The following FLRT2 variants were observed in gnomAD, a reference collection of about 807,000 sequenced individuals.
FLRT2 encodes fibronectin leucine rich transmembrane protein 2.
Under a neutral mutation model 40.0 loss-of-function variants are expected in FLRT2, and 15 were observed. The ratio of observed to expected loss-of-function variants is 0.38; its 90% CI spans 0.25 to 0.58. FLRT2 has a LOEUF of 0.58. Ranked by LOEUF, FLRT2 falls within the 20% of genes least tolerant of loss-of-function variation. The pLI is 0.71. For synonymous variants in FLRT2, 380 were observed against 336.8 expected (o/e 1.13, Z -1.41); for missense variants, 726 against 840.0 (o/e 0.86, Z 1.68).
In FLRT2 at chr14:85,630,346, C is replaced by T. The variant is rs1334777774; in HGVS notation, c.*6849C>T. ...AACTAGACGAAAACCTCAATATATC[C>T]TTAGGGGAATTCTTATTACTTCAAT... On this transcript the variant is annotated 3_prime_UTR_variant, in exon 2 of 2. Coordinates refer to ENST00000330753, the MANE Select transcript of FLRT2 (RefSeq NM_013231.6). 2 of 130,684 alleles carry T rather than the reference C, an allele frequency of 1.5e-5. No homozygotes were observed. The highest frequency in any genetic ancestry group is 5.9e-5 in the African/African-American group (2 of 33,894). 8.1% of individuals were successfully genotyped at this position (130,684 alleles called of 1,614,324 possible). A position where few individuals can be genotyped will look rare whatever the true frequency, so the allele number is the denominator to read the frequency against.
At chr14:85,556,028 T>C (rs772795386) in intron 1 of FLRT2, among the ~76,000 whole-genome samples, 3 of 152,206 alleles carry the variant, frequency 2.0e-5, no homozygotes, top group Non-Finnish European at 2.9e-5. Flanking sequence ...ACGGAAGGCA[T>C]GTAATTAAGA....
Position 85,642,132 on chromosome 14 carries a change from C to CAAAAAAAAA in FLRT2, c.*18642_*18650dup, listed in dbSNP as rs34224453. ...CTTACAGTTTCAAGGTTGCTGTTGA[C>CAAAAAAAAA]AAAAAAAAAAAAAAAGAAAGAAAGA... On this transcript the variant is annotated 3_prime_UTR_variant, in exon 2 of 2. Transcript: ENST00000330753. The CAAAAAAAAA allele has an allele frequency of 1.6e-5, 2 of 128,722 alleles. No homozygotes were observed. Among genetic ancestry groups the CAAAAAAAAA allele is most frequent in the African/African-American group, 5.7e-5 (2 of 35,010 alleles). The allele number at this position is 128,722 out of a possible 1,614,324, so 8.0% of individuals were successfully genotyped here. A position where few individuals can be genotyped will look rare whatever the true frequency, so the allele number is the denominator to read the frequency against.
chr14:85,643,974 G>A lies in FLRT2; in HGVS notation c.*20477G>A, dbSNP rs899994265. On this transcript the variant is annotated 3_prime_UTR_variant, in exon 2 of 2. Transcript: ENST00000330753. ...TTATAGCTTCATGAATAATATAGAT[G>A]TTCAGCCAACTTAAGTTGTACCTGA... The A allele has an allele frequency of 2.6e-5, 4 of 152,156 alleles. No individual in the cohort carries two copies. The highest frequency in any genetic ancestry group is 4.4e-5 in the Non-Finnish European group (3 of 68,046). The allele number at this position is 152,156 out of a possible 1,614,324, so 9.4% of individuals were successfully genotyped here. A position where few individuals can be genotyped will look rare whatever the true frequency, so the allele number is the denominator to read the frequency against.
intron 1 of FLRT2, among the ~76,000 whole-genome samples, chr14:85,614,784 C>T (rs1196915134): frequency 6.6e-6 from 1 of 152,044 alleles, no homozygotes; most frequent in African/African-American, 2.4e-5. Context: ...AAATATTTTT[C>T]CCAAAGGTTA....
intron 1 of FLRT2, among the ~76,000 whole-genome samples, chr14:85,581,112 T>C (rs1477058428): frequency 6.6e-6 from 1 of 152,234 alleles, no homozygotes; most frequent in African/African-American, 2.4e-5. Flanking sequence ...AACCCATGCC[T>C]TCTAATTGTT....
intron 1 of FLRT2, among the ~76,000 whole-genome samples, chr14:85,585,590 T>G (rs540990823): frequency 6.6e-6 from 1 of 152,196 alleles, no homozygotes. Flanking sequence ...CATGTGTGTG[T>G]GTGTATTATA....
Position 85,628,949 on chromosome 14 carries a change from G to A in FLRT2, c.*5452G>A, listed in dbSNP as rs1049447157. ...CTGAGTTCAGAGGCCTCACAGAATA[G>A]TGAAATGCGTTCTTAGCCAAATCAG... On this transcript the variant is annotated 3_prime_UTR_variant, in exon 2 of 2. Coordinates refer to ENST00000330753, the MANE Select transcript of FLRT2 (RefSeq NM_013231.6). 2.6e-5 allele frequency: 4 copies of A among 152,166 alleles called. No individual in the cohort carries two copies. The highest frequency in any genetic ancestry group is 2.9e-5 in the Non-Finnish European group (2 of 68,034). 9.4% of individuals were successfully genotyped at this position (152,166 alleles called of 1,614,324 possible).
At chr14:85,607,816 C>T (rs1026878300) in intron 1 of FLRT2, among the ~76,000 whole-genome samples, 1 of 152,196 alleles carries the variant, frequency 6.6e-6, no homozygotes, top group African/African-American at 2.4e-5. Context: ...ACTGCCCGAA[C>T]AAAGTACCAC....
intron 1 of FLRT2, among the ~76,000 whole-genome samples, chr14:85,561,666 T>A (rs1299684881): frequency 6.6e-6 from 1 of 152,202 alleles, no homozygotes; most frequent in Non-Finnish European, 1.5e-5. Context: ...CAAATGATAC[T>A]GTTGACAGCC....
rs1894228191 is a variant in FLRT2 at position 85,643,878 on chromosome 14, T to C, written c.*20381T>C. On this transcript the variant is annotated 3_prime_UTR_variant, in exon 2 of 2. Transcript: ENST00000330753. ...GTTGCAGCAGAGTGGTTGTGGTTTT[T>C]ATTATAAGCATTAAAAGTATAGTAG... The C allele has an allele frequency of 6.6e-6, 1 of 152,190 alleles. No individual in the cohort carries two copies. The highest frequency in any genetic ancestry group is 2.4e-5 in the African/African-American group (1 of 41,448). 9.4% of individuals were successfully genotyped at this position (152,190 alleles called of 1,614,324 possible).
chr14:85,561,583 C>G (rs1890322520), intron 1 of FLRT2, among the ~76,000 whole-genome samples: 4 of 152,226 alleles, frequency 2.6e-5, no homozygotes, highest in African/African-American at 9.6e-5. Context: ...TCACAGCACC[C>G]TGGCAGGTAG....
intron 1 of FLRT2, among the ~76,000 whole-genome samples, chr14:85,546,440 T>C (rs1445864863): frequency 6.6e-6 from 1 of 152,108 alleles, no homozygotes; most frequent in East Asian, 1.9e-4. Flanking sequence ...GAATCCTTGG[T>C]GGGGCTGTTT....
chr14:85,584,134 A>G (rs1437470643), intron 1 of FLRT2, among the ~76,000 whole-genome samples: 4 of 152,156 alleles, frequency 2.6e-5, no homozygotes, highest in Admixed American at 6.6e-5. Context: ...AAGCTCTACA[A>G]TTAAATTGCT....
At chr14:85,575,940 G>A (rs1450637782) in intron 1 of FLRT2, among the ~76,000 whole-genome samples, 1 of 152,186 alleles carries the variant, frequency 6.6e-6, no homozygotes, top group African/African-American at 2.4e-5. Flanking sequence ...GAGGGGTATA[G>A]CTTTTAAGGA....
Position 85,648,685 on chromosome 14 carries a change from C to T in FLRT2, c.*25188C>T, listed in dbSNP as rs898130766. On this transcript the variant is annotated 3_prime_UTR_variant, in exon 2 of 2. Transcript: ENST00000330753. ...TAAATACCTAGGTAGGTTTTATTTC[C>T]TAAACTGGACCTCTTACCAAACACA... 6.6e-6 allele frequency: 1 copy of T among 151,922 alleles called. No homozygotes were observed. Among genetic ancestry groups the T allele is most frequent in the African/African-American group, 2.4e-5 (1 of 41,342 alleles). The allele number at this position is 151,922 out of a possible 1,614,324, so 9.4% of individuals were successfully genotyped here. A position where few individuals can be genotyped will look rare whatever the true frequency, so the allele number is the denominator to read the frequency against.
intron 1 of FLRT2, among the ~76,000 whole-genome samples, chr14:85,600,168 A>G (rs1892321036): frequency 6.6e-6 from 1 of 152,216 alleles, no homozygotes; most frequent in Admixed American, 6.5e-5. Context: ...AGGAAGTAGT[A>G]GGAGGCAGCA....
chr14:85,624,417 G>T lies in FLRT2; in HGVS notation c.*920G>T, dbSNP rs910466106. On this transcript the variant is annotated 3_prime_UTR_variant, in exon 2 of 2. Transcript: ENST00000330753. ...TGAATGGAATTATTTTTGATAATGA[G>T]AATTATTTGGGTAGATTCACTGAGG... is the stretch of plus-strand genomic sequence containing the variant. 6 of 167,010 alleles carry T rather than the reference G, an allele frequency of 3.6e-5. No individual in the cohort carries two copies. Among genetic ancestry groups the T allele is most frequent in the Non-Finnish European group, 7.3e-5 (5 of 68,116 alleles). 10.3% of individuals were successfully genotyped at this position (167,010 alleles called of 1,614,324 possible).
intron 1 of FLRT2, among the ~76,000 whole-genome samples, chr14:85,538,029 A>G (rs1441770092): frequency 6.6e-6 from 1 of 152,162 alleles, no homozygotes; most frequent in African/African-American, 2.4e-5. Flanking sequence ...TCTGTAAAAC[A>G]TCTTTCTAAA....
rs1894366696 is a variant in FLRT2, at chr14:85,648,805, A to ATGCC, written c.*25314_*25317dup. On this transcript the variant is annotated 3_prime_UTR_variant, in exon 2 of 2. Transcript: ENST00000330753. ...ATTTACCTCTGTGATTGTGTTTTTA[A>ATGCC]TGCCTGCCTCCCATTAAGTTATAAG... The ATGCC allele has an allele frequency of 6.6e-6, 1 of 152,144 alleles. No individual in the cohort carries two copies. Among genetic ancestry groups the ATGCC allele is most frequent in the South Asian group, 2.1e-4 (1 of 4,828 alleles). The allele number at this position is 152,144 out of a possible 1,614,324, so 9.4% of individuals were successfully genotyped here.
Sources: allele counts gnomAD v4.1 joint callset (sites outside exome capture counted in the v4.1 genomes callset), GRCh38; gene constraint gnomAD v4.1.1; transcripts MANE v1.5; gene names NCBI Gene and HGNC (gene_info 2026-07-23, HGNC 2026-07-21).